The following HIBCH variants were observed in gnomAD, a reference collection of about 807,000 sequenced individuals.
The protein encoded by HIBCH is 3-hydroxyisobutyryl-CoA hydrolase, mitochondrial.
Under a neutral mutation model 58.2 loss-of-function variants are expected in HIBCH, and 50 were observed. That is an observed-to-expected ratio of 0.86 (90% CI 0.68 to 1.09). The LOEUF is 1.09. HIBCH is among the 50% of genes least tolerant of loss of function. The probability of loss-of-function intolerance (pLI) is 0.00; values close to 1 mark genes in which losing one functional copy is unlikely to be tolerated. For missense variants in HIBCH, 450 were observed against 449.7 expected, an observed-to-expected ratio of 1.00 and a Z score of -0.01; for synonymous variants, 151 against 146.9, an observed-to-expected ratio of 1.03 and a Z score of -0.20.
At chr2:190,228,576 G>A (rs560868095) in intron 11 of HIBCH, among the ~76,000 whole-genome samples, 24 of 151,940 alleles carry the variant, frequency 1.6e-4, no homozygotes, top group Non-Finnish European at 2.7e-4. Flanking sequence ...AGAGAACACA[G>A]ACTGTTCTAG....
intron 7 of HIBCH, 89 bp downstream of exon 7, chr2:190,261,067 C>T: frequency 1.1e-6 from 1 of 929,240 alleles, no homozygotes; most frequent in Non-Finnish European, 1.8e-6. Flanking sequence ...CACAAGAGTC[C>T]ATCAATTCCT....
intron 11 of HIBCH, among the ~76,000 whole-genome samples, chr2:190,229,042 C>T (rs1686011809): frequency 6.6e-6 from 1 of 152,086 alleles, no homozygotes; most frequent in Non-Finnish European, 1.5e-5. Context: ...TTTGCCACTC[C>T]CTTCAAAAGT....
chr2:190,310,722 A>G (rs1475259776), intron 2 of HIBCH, 32 bp downstream of exon 2: 1 of 1,560,064 alleles, frequency 6.4e-7, no homozygotes. Flanking sequence ...ACACATACAA[A>G]TAATGCCAGC....
rs1690510933 is a variant in HIBCH at position 190,211,472 on chromosome 2, G to A, written c.1011+1484C>T. On this transcript the variant is annotated intron_variant, in intron 12 of 13. Transcript: ENST00000359678. This position sits in a 1 kb window ranked among gnomAD's most constrained non-coding sequence, Gnocchi z 5.0. Reference sequence around the variant, plus strand: ...TCTCCAACCCTATCTCCACACAGCAGCAACAATTTCCTTCTTAAAGCAAAT... The same window carrying A: ...TCTCCAACCCTATCTCCACACAGCAACAACAATTTCCTTCTTAAAGCAAAT... Among the ~76,000 whole-genome samples, 1 of 152,164 alleles carries A rather than the reference G, an allele frequency of 6.6e-6. No individual in the cohort carries two copies. The highest frequency in any genetic ancestry group is 2.4e-5 in the African/African-American group (1 of 41,430).
rs1011870478 is a variant in HIBCH, at chr2:190,209,056, T to G, written c.1012-143A>C. On this transcript the variant is annotated intron_variant, in intron 12 of 13. Transcript: ENST00000359678. This position sits in a 1 kb window ranked among gnomAD's most constrained non-coding sequence, Gnocchi z 5.6. ...CATTCAGAGACTGAACCACCTCTGATAGCCCACTCTCTGATCACCACCTCC... is the reference window on the plus strand; with the variant it reads ...CATTCAGAGACTGAACCACCTCTGAGAGCCCACTCTCTGATCACCACCTCC... 1.4e-6 allele frequency: 1 copy of G among 724,404 alleles called. No homozygotes were observed. The highest frequency in any genetic ancestry group is 1.7e-5 in the African/African-American group (1 of 57,592). The allele number at this position is 724,404 out of a possible 1,614,324, so 44.9% of individuals were successfully genotyped here.
chr2:190,302,782 T>C (rs1688301089), intron 2 of HIBCH, among the ~76,000 whole-genome samples: 1 of 152,164 alleles, frequency 6.6e-6, no homozygotes, highest in Admixed American at 6.5e-5. Context: ...GATTTTTTCC[T>C]TCTCAGAACC....
chr2:190,235,997 T>C (rs16832456), intron 11 of HIBCH, among the ~76,000 whole-genome samples: 45,737 of 152,036 alleles, frequency 0.3, 7,758 homozygotes, highest in East Asian at 0.45. Context: ...TACTTTGTCA[T>C]AGGTGCCAGG....
At chr2:190,311,222 G>C (rs1447503589) in intron 1 of HIBCH, among the ~76,000 whole-genome samples, 2 of 152,200 alleles carry the variant, frequency 1.3e-5, no homozygotes, top group African/African-American at 2.4e-5. Flanking sequence ...ATGATATTCT[G>C]AAAAGGGCAA....
At position 190,254,343 on chromosome 2, in the gene HIBCH, G is replaced by A. The variant is rs1260679183; in HGVS notation, c.518-2036C>T. 1.3e-5 allele frequency among the ~76,000 whole-genome samples: 2 copies of A among 152,126 alleles called. No homozygotes were observed. The highest frequency in any genetic ancestry group is 1.9e-4 in the East Asian group (1 of 5,186). On this transcript the variant is annotated intron_variant, in intron 7 of 13. Transcript: ENST00000359678. This position sits in a 1 kb window ranked among gnomAD's most constrained non-coding sequence, Gnocchi z 5.0. ...AGGCCACATGAGGACAGAGCAAGAA[G>A]GCAGCAGTCTATTAGCCACAGAGAG... is the stretch of plus-strand genomic sequence containing the variant.
downstream of HIBCH, chr2:190,200,845 T>C (rs759824893): frequency 4.2e-4 from 71 of 167,194 alleles, no homozygotes; most frequent in Non-Finnish European, 6.9e-4. Context: ...AGCCCAGTGA[T>C]ATAACTATAC....
intron 11 of HIBCH, chr2:190,213,663 T>C (rs967906731): frequency 1.3e-5 from 2 of 154,792 alleles, no homozygotes; most frequent in African/African-American, 4.8e-5. Flanking sequence ...CCCAGCTACT[T>C]AGGTCATAAG....
At chr2:190,288,411 G>T (rs1044294048) in intron 5 of HIBCH, among the ~76,000 whole-genome samples, 4 of 151,002 alleles carry the variant, frequency 2.6e-5, no homozygotes, top group African/African-American at 9.8e-5. Context: ...AAGTAATGAT[G>T]CATAAACACT....
Position 190,207,809 on chromosome 2 carries a change from A to G in HIBCH, c.1045+1071T>C, listed in dbSNP as rs575383139. Among the ~76,000 whole-genome samples, 115 of 152,278 alleles carry G rather than the reference A, an allele frequency of 7.6e-4. No homozygotes were observed. Among genetic ancestry groups the G allele is most frequent in the Middle Eastern group, 3.4e-3 (1 of 294 alleles). On this transcript the variant is annotated intron_variant, in intron 13 of 13. Transcript: ENST00000359678. This position sits in a 1 kb window ranked among gnomAD's most constrained non-coding sequence, Gnocchi z 4.5. ...GGTAGGCAAATCACTTGAACCTGGG[A>G]GGTGGAGGTTGCAGTAAGCCGAAAG...
intron 5 of HIBCH, among the ~76,000 whole-genome samples, chr2:190,288,767 T>C (rs1393746843): frequency 6.6e-6 from 1 of 152,210 alleles, no homozygotes; most frequent in African/African-American, 2.4e-5. Flanking sequence ...TCTATTTGTC[T>C]ACTTTGCTGT....
At chr2:190,292,490 T>C (rs1394717003) in intron 4 of HIBCH, among the ~76,000 whole-genome samples, 1 of 152,186 alleles carries the variant, frequency 6.6e-6, no homozygotes, top group Non-Finnish European at 1.5e-5. Context: ...TTTTGTATTT[T>C]AGTAGAGACG....
chr2:190,270,324 C>A (rs1188593890), intron 6 of HIBCH, among the ~76,000 whole-genome samples: 1 of 150,694 alleles, frequency 6.6e-6, no homozygotes, highest in Non-Finnish European at 1.5e-5. Context: ...TAGTTAACCA[C>A]CCATGATTTA....
chr2:190,218,806 T>C (rs779187041), intron 11 of HIBCH, among the ~76,000 whole-genome samples: 2 of 152,312 alleles, frequency 1.3e-5, no homozygotes, highest in African/African-American at 2.4e-5. Context: ...CAAAAGTTTA[T>C]TATTGCTCTT....
rs1246769262 is a variant in HIBCH at position 190,314,291 on chromosome 2, G to GTA, written c.36-3497_36-3496dup. 1.2e-3 allele frequency among the ~76,000 whole-genome samples: 62 copies of GTA among 51,570 alleles called. 1 individual carries two copies. The highest frequency in any genetic ancestry group is 2.1e-3 in the Non-Finnish European group (47 of 22,608). 33.8% of individuals were successfully genotyped at this position (51,570 alleles called of 152,430 possible). ...TACTACAAAAAAAATATATATATATGTATATATACATATATATGTGTATAT... is the reference window on the plus strand; with the variant it reads ...TACTACAAAAAAAATATATATATATGTATATATATACATATATATGTGTATAT... On this transcript the variant is annotated intron_variant, in intron 1 of 13. Coordinates refer to ENST00000359678, the MANE Select transcript of HIBCH (RefSeq NM_014362.4).
Position 190,296,737 on chromosome 2 carries a change from G to A in HIBCH, c.219+76C>T, listed in dbSNP as rs190720440. The A allele has an allele frequency of 1.7e-4, 225 of 1,326,000 alleles. 1 individual carries two copies. The African/African-American group carries it at 3.1e-3, about 18-fold the overall frequency. The allele number at this position is 1,326,000 out of a possible 1,614,324, so 82.1% of individuals were successfully genotyped here. A position where few individuals can be genotyped will look rare whatever the true frequency, so the allele number is the denominator to read the frequency against. ...CCCAGAGAATTATGTGATTCTATGG[G>A]AGAAAATACCAGAAATGTCCTATTA... On this transcript the variant is annotated intron_variant, in intron 3 of 13. Transcript: ENST00000359678.
Sources: allele counts gnomAD v4.1 joint callset (sites outside exome capture counted in the v4.1 genomes callset), GRCh38; gene constraint gnomAD v4.1.1; non-coding constraint Gnocchi (gnomAD v3.1); transcripts MANE v1.5; gene names NCBI Gene and HGNC (gene_info 2026-07-23, HGNC 2026-07-21).